ITGA9: variants seen among roughly 807,000 people sequenced by gnomAD.
The protein encoded by ITGA9 is integrin alpha-9.
ITGA9 carries 56 observed loss-of-function variants against 127.8 expected under a neutral mutation model. That is an observed-to-expected ratio of 0.44 (90% CI 0.35 to 0.55). ITGA9 has a LOEUF of 0.55. Ranked by LOEUF, ITGA9 falls within the 20% of genes least tolerant of loss-of-function variation. The pLI, the probability that ITGA9 is intolerant of heterozygous loss-of-function variation, is 0.00. For synonymous variants in ITGA9, 508 were observed against 514.5 expected (o/e 0.99, Z 0.17); for missense variants, 1,196 against 1,347.1 (o/e 0.89, Z 1.76).
intron 15 of ITGA9, among the ~76,000 whole-genome samples, chr3:37,596,313 A>G (rs373437960): frequency 1.3e-5 from 2 of 152,202 alleles, no homozygotes; most frequent in South Asian, 2.1e-4. Context: ...CCTTATCAAC[A>G]TCGAAGGTAC....
At chr3:37,760,048 C>T (rs1018599509) in intron 23 of ITGA9, among the ~76,000 whole-genome samples, 3 of 151,754 alleles carry the variant, frequency 2.0e-5, no homozygotes, top group East Asian at 1.9e-4. Context: ...GGTGAAACCC[C>T]ATCTCTACCA....
intron 4 of ITGA9, among the ~76,000 whole-genome samples, chr3:37,492,758 A>T (rs1698686014): frequency 6.6e-6 from 1 of 152,186 alleles, no homozygotes; most frequent in Admixed American, 6.5e-5. Context: ...TTCAAGAGTT[A>T]CAATTGGGTG....
At chr3:37,482,789 C>T (rs1162145334) in intron 4 of ITGA9, among the ~76,000 whole-genome samples, 1 of 152,190 alleles carries the variant, frequency 6.6e-6, no homozygotes, top group Non-Finnish European at 1.5e-5. Flanking sequence ...GTGAGCCTTC[C>T]TTTGGTTTTT....
At chr3:37,488,909 C>T (rs886570638) in intron 4 of ITGA9, among the ~76,000 whole-genome samples, 1 of 152,142 alleles carries the variant, frequency 6.6e-6, no homozygotes, top group Non-Finnish European at 1.5e-5. Flanking sequence ...ATGCCATTAT[C>T]ACCACCATCC....
At chr3:37,770,538 C>T (rs1039082987) in intron 23 of ITGA9, among the ~76,000 whole-genome samples, 1 of 152,154 alleles carries the variant, frequency 6.6e-6, no homozygotes, top group Non-Finnish European at 1.5e-5. Flanking sequence ...TCCTCCAAGC[C>T]GTTTATCTGA....
At chr3:37,585,605 T>C in intron 15 of ITGA9, 1 of 515,284 alleles carries the variant, frequency 1.9e-6, no homozygotes, top group Non-Finnish European at 3.9e-6. Context: ...CCAGATGTGA[T>C]TTATGCCATA....
intron 17 of ITGA9, among the ~76,000 whole-genome samples, chr3:37,669,874 G>A (rs983282957): frequency 2.0e-5 from 3 of 152,142 alleles, no homozygotes; most frequent in Non-Finnish European, 4.4e-5. Context: ...TCCCTTGAGA[G>A]AAATGGCTTT....
intron 15 of ITGA9, among the ~76,000 whole-genome samples, chr3:37,616,290 A>C (rs2125628725): frequency 1.3e-5 from 2 of 152,278 alleles, no homozygotes; most frequent in South Asian, 4.1e-4. Flanking sequence ...TGAATTTCTT[A>C]ATCCTGAGTT....
chr3:37,494,580 C>T lies in ITGA9; in HGVS notation c.612+12C>T. On this transcript the variant is annotated intron_variant, in intron 5 of 27. Coordinates refer to ENST00000264741, the MANE Select transcript of ITGA9 (RefSeq NM_002207.3). ...GCTTCTTCACCGAGGTGGGTGTCTG[C>T]TGTCTGGGCATTTCTGTTCTCTTGT... is the stretch of plus-strand genomic sequence containing the variant. 1 of 1,609,602 alleles carries T rather than the reference C, an allele frequency of 6.2e-7. No individual in the cohort carries two copies. The highest frequency in any genetic ancestry group is 8.5e-7 in the Non-Finnish European group (1 of 1,176,042).
chr3:37,725,447 A>G (rs1696176214), intron 18 of ITGA9, among the ~76,000 whole-genome samples: 2 of 152,198 alleles, frequency 1.3e-5, no homozygotes, highest in Non-Finnish European at 2.9e-5. Context: ...GTGTATTCAA[A>G]GCACCATGTC....
At chr3:37,759,338 A>G (rs180816336) in intron 23 of ITGA9, among the ~76,000 whole-genome samples, 136 of 152,244 alleles carry the variant, frequency 8.9e-4, no homozygotes, top group Non-Finnish European at 1.6e-3. Context: ...TGTATATATC[A>G]TATATATTTC....
chr3:37,743,984 C>G lies in ITGA9; in HGVS notation c.2383C>G (p.Gln795Glu). Residue 795 changes from glutamine (Q) to glutamate (E), a missense_variant, in exon 22 of 28, where the codon CAG becomes GAG. Physicochemically the swap from Gln to Glu is conservative, Grantham distance 29 (BLOSUM62 2). Coordinates refer to ENST00000264741, the MANE Select transcript of ITGA9 (RefSeq NM_002207.3). ...GTCCGTGGACGCAGCCAACTTCATT[C>G]AGCTGGATGACCTGGAGTGTCACTT... Reference protein sequence around the residue: ...GESVDAANFIQLDDLECHFQP... With the variant: ...GESVDAANFIELDDLECHFQP... 6.2e-7 allele frequency: 1 copy of G among 1,614,166 alleles called. No homozygotes were observed. Among genetic ancestry groups the G allele is most frequent in the Non-Finnish European group, 8.5e-7 (1 of 1,179,986 alleles).
At chr3:37,453,315 G>C (rs1698221637) in intron 1 of ITGA9, among the ~76,000 whole-genome samples, 2 of 152,232 alleles carry the variant, frequency 1.3e-5, no homozygotes, top group Non-Finnish European at 2.9e-5. Context: ...CCTTAAGAGA[G>C]AGACGTGTTT....
chr3:37,524,434 G>T (rs981211833), intron 12 of ITGA9, among the ~76,000 whole-genome samples: 7 of 152,162 alleles, frequency 4.6e-5, no homozygotes, highest in Admixed American at 6.5e-5. Flanking sequence ...GTGTATTTTT[G>T]TACAGATAGG....
intron 13 of ITGA9, among the ~76,000 whole-genome samples, chr3:37,526,934 A>C (rs1450470771): frequency 6.6e-6 from 1 of 152,238 alleles, no homozygotes; most frequent in Non-Finnish European, 1.5e-5. Context: ...GTGGGAGCCC[A>C]GTTACTTCTA....
intron 15 of ITGA9, among the ~76,000 whole-genome samples, chr3:37,594,833 G>A (rs771402296): frequency 1.3e-5 from 2 of 152,128 alleles, no homozygotes; most frequent in East Asian, 1.9e-4. Flanking sequence ...AGGCTAGAGC[G>A]CAGTAACTAT....
rs1477864304 is a variant in ITGA9 at position 37,597,955 on chromosome 3, C to T, written c.1690-31232C>T. 6.6e-6 allele frequency among the ~76,000 whole-genome samples: 1 copy of T among 152,174 alleles called. No individual in the cohort carries two copies. On this transcript the variant is annotated intron_variant, in intron 15 of 27. Transcript: ENST00000264741. The surrounding 1 kb of genome is among the most constrained non-coding windows in gnomAD (Gnocchi z 4.6). ...ATATTCACGTGGAGACTGAGAAGCACGAGAAGGCAGAATTGGGCCCTTGAT... is the reference window on the plus strand; with the variant it reads ...ATATTCACGTGGAGACTGAGAAGCATGAGAAGGCAGAATTGGGCCCTTGAT...
At chr3:37,611,500 G>A (rs918718970) in intron 15 of ITGA9, among the ~76,000 whole-genome samples, 1 of 152,128 alleles carries the variant, frequency 6.6e-6, no homozygotes, top group Non-Finnish European at 1.5e-5. Context: ...CAGATTATAA[G>A]AAAGAATGAG....
chr3:37,662,122 G>A (rs1700542288), intron 17 of ITGA9, among the ~76,000 whole-genome samples: 1 of 152,150 alleles, frequency 6.6e-6, no homozygotes, highest in African/African-American at 2.4e-5. Flanking sequence ...CAGCCAGGGG[G>A]CCAGGCGCAG....
Sources: allele counts gnomAD v4.1 joint callset (sites outside exome capture counted in the v4.1 genomes callset), GRCh38; gene constraint gnomAD v4.1.1; non-coding constraint Gnocchi (gnomAD v3.1); transcripts MANE v1.5; gene names NCBI Gene and HGNC (gene_info 2026-07-23, HGNC 2026-07-21).